ASTN2: variants seen among roughly 807,000 people sequenced by gnomAD.
The protein encoded by ASTN2 is astrotactin 2.
ASTN2 carries 54 observed loss-of-function variants against 139.8 expected under a neutral mutation model. The observed-to-expected ratio is 0.39, with a 90% CI of 0.31 to 0.48. The LOEUF is 0.48. Among genes scored for constraint, ASTN2 ranks in the 20% least tolerant of loss-of-function variants. The pLI is 0.95. For missense variants in ASTN2, 1,565 were observed against 1,725.1 expected (o/e 0.91, Z 1.64); for synonymous variants, 756 against 719.5 (o/e 1.05, Z -0.81).
chr9:116,597,812 G>A (rs980532383), intron 19 of ASTN2, among the ~76,000 whole-genome samples: 4 of 152,134 alleles, frequency 2.6e-5, no homozygotes, highest in East Asian at 1.9e-4. Context: ...ATTCTAAGAA[G>A]CCTTTGGAAT....
chr9:116,516,547 G>C (rs973241590), intron 19 of ASTN2, among the ~76,000 whole-genome samples: 1 of 152,224 alleles, frequency 6.6e-6, no homozygotes, highest in Non-Finnish European at 1.5e-5. Flanking sequence ...GCAGCGTGGG[G>C]AGACTCATAT....
chr9:117,232,999 T>G (rs1832942928), intron 2 of ASTN2, among the ~76,000 whole-genome samples: 1 of 152,132 alleles, frequency 6.6e-6, no homozygotes, highest in Non-Finnish European at 1.5e-5. Flanking sequence ...CATTATCTAC[T>G]TCCTTCCCTG....
chr9:117,073,593 C>A (rs1344584523), intron 5 of ASTN2, among the ~76,000 whole-genome samples: 2 of 152,200 alleles, frequency 1.3e-5, no homozygotes, highest in Admixed American at 6.5e-5. Flanking sequence ...TTGGATTCAT[C>A]TTGTATCTCC....
intron 16 of ASTN2, among the ~76,000 whole-genome samples, chr9:116,714,156 G>A (rs555228361): frequency 2.0e-5 from 3 of 152,140 alleles, no homozygotes; most frequent in African/African-American, 7.2e-5. Context: ...ATATAAGCTT[G>A]GTGTTCAGCT....
intron 19 of ASTN2, among the ~76,000 whole-genome samples, chr9:116,507,332 T>C (rs1701877183): frequency 1.3e-5 from 2 of 152,066 alleles, no homozygotes; most frequent in Non-Finnish European, 2.9e-5. Flanking sequence ...ATTAAGTGAA[T>C]CTCCTGTTTT....
intron 11 of ASTN2, among the ~76,000 whole-genome samples, chr9:116,850,550 T>C (rs1345613666): frequency 1.3e-5 from 2 of 152,202 alleles, no homozygotes; most frequent in African/African-American, 4.8e-5. Context: ...CACTTCCCTT[T>C]CTGAGTTGGC....
At chr9:117,218,384 C>A (rs999046003) in intron 2 of ASTN2, among the ~76,000 whole-genome samples, 9 of 152,180 alleles carry the variant, frequency 5.9e-5, no homozygotes, top group Non-Finnish European at 2.9e-5. Context: ...AGTCACTGAC[C>A]ACGTGGTTTC....
chr9:116,544,676 T>A (rs1852017245), intron 19 of ASTN2, among the ~76,000 whole-genome samples: 1 of 152,150 alleles, frequency 6.6e-6, no homozygotes. Flanking sequence ...GTTAAGGACA[T>A]ACAGACCTCA....
intron 1 of ASTN2, among the ~76,000 whole-genome samples, chr9:117,328,544 G>T (rs1828596116): frequency 1.3e-5 from 2 of 152,040 alleles, no homozygotes; most frequent in Admixed American, 1.3e-4. Context: ...TGAGTCCATT[G>T]GTATTCTCTA....
At chr9:117,091,895 C>G (rs939723251) in intron 5 of ASTN2, among the ~76,000 whole-genome samples, 2 of 152,142 alleles carry the variant, frequency 1.3e-5, no homozygotes, top group African/African-American at 4.8e-5. Flanking sequence ...GACTGGAAGA[C>G]AGCAAGGGAG....
Position 116,609,829 on chromosome 9 carries a change from G to A in ASTN2, c.3355+8495C>T, listed in dbSNP as rs961436638. ...AAACTGCATAAGGCTTGGAAGAGAG[G>A]AAGAACAGTATACTATTATAAGATT... On this transcript the variant is annotated intron_variant, in intron 19 of 22. Transcript: ENST00000313400. Among the ~76,000 whole-genome samples, 5 of 151,990 alleles carry A rather than the reference G, an allele frequency of 3.3e-5. No homozygotes were observed. In the East Asian group the frequency reaches 7.7e-4, roughly 23 times the overall value.
At chr9:117,187,151 A>G (rs9299246) in intron 3 of ASTN2, among the ~76,000 whole-genome samples, 7,931 of 152,266 alleles carry the variant, frequency 0.052, 397 homozygotes, top group East Asian at 0.18. Context: ...AAAAAAATAG[A>G]AAAATTAAGG....
chr9:116,439,837 T>C (rs1177266172), intron 22 of ASTN2, among the ~76,000 whole-genome samples: 2 of 152,228 alleles, frequency 1.3e-5, no homozygotes, highest in Admixed American at 1.3e-4. Context: ...TCTGCTATCA[T>C]GACGCTTATT....
chr9:117,314,603 ATTAAT>A (rs1411868636), intron 1 of ASTN2, among the ~76,000 whole-genome samples: 13 of 147,188 alleles, frequency 8.8e-5, no homozygotes, highest in Non-Finnish European at 1.6e-4. Flanking sequence ...TTTATATTGT[ATTAAT>A]TTATTTTATA....
At chr9:117,070,705 A>G (rs1828093357) in intron 5 of ASTN2, among the ~76,000 whole-genome samples, 1 of 146,904 alleles carries the variant, frequency 6.8e-6, no homozygotes, top group Non-Finnish European at 1.5e-5. Flanking sequence ...GGCTTTGCTC[A>G]TTTCTTTTTA....
chr9:117,040,095 G>A (rs1838511795), intron 5 of ASTN2, 130 bp from the exon 6 acceptor site: 2 of 1,133,442 alleles, frequency 1.8e-6, no homozygotes, highest in African/African-American at 3.1e-5. Flanking sequence ...AAAAAGACAT[G>A]TTTTCTAACC....
intron 3 of ASTN2, among the ~76,000 whole-genome samples, chr9:117,166,074 TCTTAA>T (rs1347726308): frequency 3.3e-5 from 5 of 152,062 alleles, no homozygotes; most frequent in African/African-American, 7.2e-5. Flanking sequence ...ATAAGACAGG[TCTTAA>T]CTTAGTTAAC....
intron 2 of ASTN2, among the ~76,000 whole-genome samples, chr9:117,272,325 C>T (rs1834086893): frequency 1.3e-5 from 2 of 152,302 alleles, no homozygotes; most frequent in East Asian, 1.9e-4. Flanking sequence ...GCACACAGCA[C>T]AAGGACCCTG....
At chr9:117,081,251 C>T (rs1828419714) in intron 5 of ASTN2, among the ~76,000 whole-genome samples, 1 of 152,176 alleles carries the variant, frequency 6.6e-6, no homozygotes. Flanking sequence ...TGACAAATGC[C>T]CCTGGGCTGT....
Sources: gnomAD v4.1 joint callset for allele counts (sites outside exome capture counted in the v4.1 genomes callset) on GRCh38, gnomAD v4.1.1 for gene constraint, MANE v1.5 for transcripts, NCBI Gene and HGNC (gene_info 2026-07-23, HGNC 2026-07-21) for gene names.